Variants in CDC42BPA observed in about 807,000 individuals in gnomAD.
CDC42BPA encodes the protein serine/threonine-protein kinase MRCK alpha.
In CDC42BPA, 80 loss-of-function variants were observed where a neutral mutation model predicts 223.5. That is an observed-to-expected ratio of 0.36 (90% CI 0.30 to 0.43). The LOEUF is 0.43. CDC42BPA is among the 20% of genes least tolerant of loss of function. The pLI is 1.00. For synonymous variants in CDC42BPA, 694 were observed against 718.6 expected (o/e 0.97, Z 0.55); for missense variants, 1,743 against 2,099.9 (o/e 0.83, Z 3.32).
intron 1 of CDC42BPA, among the ~76,000 whole-genome samples, chr1:227,311,471 TCTAC>T (rs781306313): frequency 3.3e-5 from 5 of 152,142 alleles, no homozygotes; most frequent in Non-Finnish European, 7.3e-5. Flanking sequence ...CTCACCTACA[TCTAC>T]CCTAGAGTTC....
At chr1:227,153,770 T>C (rs1206434857) in intron 6 of CDC42BPA, among the ~76,000 whole-genome samples, 1 of 151,842 alleles carries the variant, frequency 6.6e-6, no homozygotes, top group Non-Finnish European at 1.5e-5. Flanking sequence ...CAAAATAAAA[T>C]AGAAGAAAAC....
intron 23 of CDC42BPA, among the ~76,000 whole-genome samples, chr1:227,041,200 C>A (rs749594442): frequency 1.3e-4 from 20 of 152,056 alleles, no homozygotes; most frequent in Admixed American, 1.3e-3. Context: ...GGTTTGTTAC[C>A]TGAGTATATT....
chr1:227,174,968 G>T (rs1438838617), intron 5 of CDC42BPA, among the ~76,000 whole-genome samples: 3 of 151,920 alleles, frequency 2.0e-5, no homozygotes, highest in Non-Finnish European at 2.9e-5. Context: ...TCCTTGGTTT[G>T]GGGTCTTCAT....
In CDC42BPA at chr1:227,254,163, GA is replaced by G; in HGVS notation, c.179-9del. 7.3e-7 allele frequency: 1 copy of G among 1,374,208 alleles called. No homozygotes were observed. 85.1% of individuals were successfully genotyped at this position (1,374,208 alleles called of 1,614,324 possible). A position where few individuals can be genotyped will look rare whatever the true frequency, so the allele number is the denominator to read the frequency against. ...TAGAAGTAAATGGTTTAGCTGAAAT[GA>G]AAGAGCAATATCAATTATTTTCTTA... On this transcript the variant is annotated splice_polypyrimidine_tract_variant and intron_variant, in intron 1 of 36. Transcript: ENST00000366766.
intron 1 of CDC42BPA, among the ~76,000 whole-genome samples, chr1:227,263,575 A>C (rs1684465657): frequency 6.8e-6 from 1 of 146,704 alleles, no homozygotes; most frequent in Non-Finnish European, 1.5e-5. Flanking sequence ...CATTACCTTG[A>C]GAATCAATTT....
At chr1:227,201,817 G>GT (rs1558748373) in intron 3 of CDC42BPA, among the ~76,000 whole-genome samples, 4 of 147,704 alleles carry the variant, frequency 2.7e-5, no homozygotes. Flanking sequence ...ACATCCTTCC[G>GT]TATCAGTACA....
intron 5 of CDC42BPA, among the ~76,000 whole-genome samples, chr1:227,164,719 C>A (rs1371852152): frequency 4.1e-5 from 5 of 120,640 alleles, no homozygotes; most frequent in Non-Finnish European, 1.0e-4. Flanking sequence ...CACAAACGCA[C>A]ACACACACAC....
Position 227,230,812 on chromosome 1 carries a change from C to CTTTTTTT in CDC42BPA, c.271-17594_271-17593insAAAAAAA, listed in dbSNP as rs1309498246. On this transcript the variant is annotated intron_variant, in intron 2 of 36. Coordinates refer to ENST00000366766, the MANE Select transcript of CDC42BPA (RefSeq NM_001394014.1). ...GCTAACTGATTTCTATTTCTTTTTT[C>CTTTTTTT]TTTCTTTCTTTTTTTTTTTTTTTTT... Among the ~76,000 whole-genome samples, 302 of 111,708 alleles carry CTTTTTTT rather than the reference C, an allele frequency of 2.7e-3. 8 individuals are homozygous for CTTTTTTT. Among genetic ancestry groups the CTTTTTTT allele is most frequent in the Non-Finnish European group, 3.7e-3 (200 of 53,650 alleles). 73.3% of individuals were successfully genotyped at this position (111,708 alleles called of 152,430 possible). A position where few individuals can be genotyped will look rare whatever the true frequency, so the allele number is the denominator to read the frequency against.
intron 3 of CDC42BPA, among the ~76,000 whole-genome samples, chr1:227,205,268 C>CAAAA (rs1158919272): frequency 1.9e-3 from 213 of 110,100 alleles, no homozygotes; most frequent in African/African-American, 7.6e-3. Context: ...GACTCTGTCT[C>CAAAA]AAAAAAAAAA....
chr1:227,265,328 C>T (rs568801355), intron 1 of CDC42BPA: 3 of 388,890 alleles, frequency 7.7e-6, no homozygotes, highest in African/African-American at 6.1e-5. Flanking sequence ...GGTACCTATA[C>T]CTCATAACCC....
chr1:227,192,215 G>A (rs1669836721), intron 5 of CDC42BPA, among the ~76,000 whole-genome samples: 1 of 152,162 alleles, frequency 6.6e-6, no homozygotes, highest in Non-Finnish European at 1.5e-5. Flanking sequence ...CACTGAAACA[G>A]AAACATTCTA....
At chr1:227,121,905 A>G (rs1688740634) in intron 11 of CDC42BPA, among the ~76,000 whole-genome samples, 1 of 151,292 alleles carries the variant, frequency 6.6e-6, no homozygotes. Context: ...GGTTCAAGCA[A>G]TTCTCCTGCC....
rs758504283 is a variant in CDC42BPA, at chr1:227,199,606, T to C, written c.401A>G (p.Asn134Ser). 22 of 1,609,324 alleles carry C rather than the reference T, an allele frequency of 1.4e-5. No individual in the cohort carries two copies. The East Asian group carries it at 3.6e-4, about 26-fold the overall frequency. ...EERDVLVNGD[N>S]KWITTLHYAF... The stretch of plus-strand genomic sequence containing the variant: ...ATAGTGCAAGGTTGTAATCCATTTA[T>C]TGTCTCCATTCACTAATACATCCCT... The change falls in exon 4 of 37, where the codon AAT becomes AGT. Residue 134 changes from asparagine to serine, a missense_variant. Coordinates refer to ENST00000366766, the MANE Select transcript of CDC42BPA (RefSeq NM_001394014.1).
At chr1:227,308,000 T>C (rs990794138) in intron 1 of CDC42BPA, among the ~76,000 whole-genome samples, 1 of 152,192 alleles carries the variant, frequency 6.6e-6, no homozygotes, top group Admixed American at 6.5e-5. Flanking sequence ...AATGTTCCAA[T>C]GCAAAAAGCT....
chr1:227,162,954 ATGTTTCCAAACGTGTG>A (rs1472373782), intron 5 of CDC42BPA, among the ~76,000 whole-genome samples: 24 of 149,366 alleles, frequency 1.6e-4, no homozygotes, highest in African/African-American at 4.0e-4. Context: ...CCAAACATAT[ATGTTTCCAAACGTGTG>A]TATGTTTCCA....
chr1:227,072,419 A>C (rs1678584830), intron 19 of CDC42BPA, 120 bp from the exon 20 acceptor site: 1 of 608,874 alleles, frequency 1.6e-6, no homozygotes, highest in African/African-American at 1.9e-5. Flanking sequence ...AGGGGACTAT[A>C]AATTACTGCG....
chr1:227,317,299 C>A lies in CDC42BPA; in HGVS notation c.-117G>T. 1 of 1,087,470 alleles carries A rather than the reference C, an allele frequency of 9.2e-7. No individual in the cohort carries two copies. The allele number at this position is 1,087,470 out of a possible 1,614,324, so 67.4% of individuals were successfully genotyped here. On this transcript the variant is annotated 5_prime_UTR_variant, in exon 1 of 37. Coordinates refer to ENST00000366766, the MANE Select transcript of CDC42BPA (RefSeq NM_001394014.1). ...AATAAACCACTTGTTATTCAAACAA[C>A]TGTCATGCAATGCTGGTGCTGAATT...
chr1:227,265,301 G>A (rs1298629416), intron 1 of CDC42BPA: 9 of 468,218 alleles, frequency 1.9e-5, no homozygotes, highest in Non-Finnish European at 3.5e-5. Flanking sequence ...AAAAGGCTTC[G>A]TTTCCCTACC....
At chr1:227,051,760 C>T (rs1054952406) in intron 22 of CDC42BPA, 121 bp downstream of exon 22, 83 of 490,050 alleles carry the variant, frequency 1.7e-4, no homozygotes, top group South Asian at 2.4e-4. Flanking sequence ...GTAATGATCT[C>T]CAATAGACTG....
Sources: gnomAD v4.1 joint callset for allele counts (sites outside exome capture counted in the v4.1 genomes callset) on GRCh38, gnomAD v4.1.1 for gene constraint, MANE v1.5 for transcripts, NCBI Gene and HGNC (gene_info 2026-07-23, HGNC 2026-07-21) for gene names.